The following ABHD18 variants were observed in gnomAD, a reference collection of about 807,000 sequenced individuals.
ABHD18 encodes abhydrolase domain containing 18.
ABHD18 carries 55 observed loss-of-function variants against 65.9 expected under a neutral mutation model. The ratio of observed to expected loss-of-function variants is 0.84; its 90% CI spans 0.67 to 1.05. The LOEUF is 1.05. Ranked by LOEUF, ABHD18 falls within the 50% of genes least tolerant of loss-of-function variation. The pLI, the probability that ABHD18 is intolerant of heterozygous loss-of-function variation, is 0.00. For synonymous variants in ABHD18, 181 were observed against 180.2 expected, an observed-to-expected ratio of 1.00 and a Z score of -0.04; for missense variants, 533 against 558.5, an observed-to-expected ratio of 0.95 and a Z score of 0.46.
Position 127,966,702 on chromosome 4 carries a change from C to CAAAAAAAAAAAAAAAA in ABHD18, c.-18+1117_-18+1132dup, listed in dbSNP as rs70966065. ...TGAAACCCCGTCTCTACTAAAAATACAAAAAAAAAAAAAAAAAAAAAAAAA... is the reference window on the plus strand; with the variant it reads ...TGAAACCCCGTCTCTACTAAAAATACAAAAAAAAAAAAAAAAAAAAAAAAAAAAAAAAAAAAAAAAA... On this transcript the variant is annotated intron_variant, in intron 1 of 12. Transcript: ENST00000645843. Among the ~76,000 whole-genome samples, 9 of 21,540 alleles carry CAAAAAAAAAAAAAAAA rather than the reference C, an allele frequency of 4.2e-4. 3 individuals are homozygous for CAAAAAAAAAAAAAAAA. Among genetic ancestry groups the CAAAAAAAAAAAAAAAA allele is most frequent in the African/African-American group, 7.1e-4 (4 of 5,640 alleles). 14.1% of individuals were successfully genotyped at this position (21,540 alleles called of 152,430 possible).
chr4:127,972,520 CTTTTTTTT>C (rs11286287), intron 1 of ABHD18, among the ~76,000 whole-genome samples: 1 of 60,872 alleles, frequency 1.6e-5, no homozygotes, highest in Non-Finnish European at 2.9e-5. Flanking sequence ...CAGATATACT[CTTTTTTTT>C]TTTTTTTTTT....
chr4:127,984,967 A>T (rs1230561507), intron 3 of ABHD18, among the ~76,000 whole-genome samples: 2 of 152,258 alleles, frequency 1.3e-5, no homozygotes, highest in Non-Finnish European at 2.9e-5. Flanking sequence ...GCCTAAATAT[A>T]TAGAGAAGTA....
At chr4:127,985,365 T>C (rs1749765998) in intron 3 of ABHD18, among the ~76,000 whole-genome samples, 1 of 151,798 alleles carries the variant, frequency 6.6e-6, no homozygotes, top group Non-Finnish European at 1.5e-5. Flanking sequence ...GCAAAGTAAC[T>C]GTACTTGCAT....
chr4:128,007,794 T>C (rs888842571), intron 4 of ABHD18, among the ~76,000 whole-genome samples: 5 of 152,100 alleles, frequency 3.3e-5, no homozygotes, highest in Non-Finnish European at 7.4e-5. Flanking sequence ...TTTGTGTTTT[T>C]TGTTTTCTGG....
At chr4:128,010,009 T>C (rs1487738883) in intron 6 of ABHD18, among the ~76,000 whole-genome samples, 1 of 152,240 alleles carries the variant, frequency 6.6e-6, no homozygotes, top group Non-Finnish European at 1.5e-5. Context: ...ACCTGTGTTA[T>C]ATTTATTTCT....
chr4:127,982,702 G>C (rs1240730905), intron 1 of ABHD18, among the ~76,000 whole-genome samples: 1 of 152,136 alleles, frequency 6.6e-6, no homozygotes, highest in Non-Finnish European at 1.5e-5. Flanking sequence ...ACTGTACTGA[G>C]GATGGGAAGA....
chr4:128,003,030 C>A (rs7692740), intron 4 of ABHD18, among the ~76,000 whole-genome samples: 3 of 151,932 alleles, frequency 2.0e-5, no homozygotes, highest in African/African-American at 4.8e-5. Context: ...GACATTTGAC[C>A]TTATTCTTCT....
intron 6 of ABHD18, among the ~76,000 whole-genome samples, chr4:128,011,341 G>A (rs1475056820): frequency 6.6e-6 from 1 of 151,702 alleles, no homozygotes; most frequent in Non-Finnish European, 1.5e-5. Context: ...GTAGTGATGG[G>A]GTTTCACCAT....
chr4:128,015,023 G>A (rs1054701890), intron 7 of ABHD18, among the ~76,000 whole-genome samples: 1 of 151,344 alleles, frequency 6.6e-6, no homozygotes, highest in Admixed American at 6.6e-5. Flanking sequence ...GTTGCAGTGA[G>A]CCAAGATCGC....
At chr4:128,001,878 C>A in intron 4 of ABHD18, 1 of 1,129,290 alleles carries the variant, frequency 8.9e-7, no homozygotes, top group Non-Finnish European at 1.2e-6. Flanking sequence ...GCCTGCCACT[C>A]AGAAGACCCT....
intron 1 of ABHD18, among the ~76,000 whole-genome samples, chr4:127,968,126 G>A (rs111673160): frequency 1.3e-5 from 2 of 152,094 alleles, no homozygotes; most frequent in South Asian, 4.1e-4. Flanking sequence ...AGGAGAATGG[G>A]GTGAACCCGG....
At chr4:128,007,887 A>G (rs1753883341) in intron 4 of ABHD18, among the ~76,000 whole-genome samples, 1 of 152,240 alleles carries the variant, frequency 6.6e-6, no homozygotes, top group Non-Finnish European at 1.5e-5. Context: ...AAAAGACAAC[A>G]TAAACTCTTA....
Position 128,017,513 on chromosome 4 carries a change from T to C in ABHD18, c.609+12T>C. ...CCATGGGAGGACACGTAAGCCTTTT[T>C]ATTTCTGCTTACATTTAATTATGTT... On this transcript the variant is annotated intron_variant, in intron 8 of 12. Transcript: ENST00000645843. 1 of 1,583,998 alleles carries C rather than the reference T, an allele frequency of 6.3e-7. No homozygotes were observed.
intron 12 of ABHD18, chr4:128,031,376 A>G (rs1758189921): frequency 6.6e-6 from 1 of 152,600 alleles, no homozygotes; most frequent in Non-Finnish European, 1.5e-5. Context: ...CTGAGGCAGG[A>G]GAATGGCATA....
intron 7 of ABHD18, 109 bp from the exon 8 acceptor site, chr4:128,017,254 C>G: frequency 2.9e-6 from 3 of 1,018,104 alleles, no homozygotes; most frequent in Non-Finnish European, 4.3e-6. Flanking sequence ...ACTTAACTAT[C>G]TGGTCCTTTA....
In ABHD18 at chr4:128,021,080, G is replaced by A. The variant is rs1353724149; in HGVS notation, c.700-57G>A. On this transcript the variant is annotated intron_variant, in intron 9 of 12. Transcript: ENST00000645843. Reference sequence around the variant, plus strand: ...GTCTCACACAGTAATAATAATAAAAGTATTGGGCAAATTGCCTTATGATGT... The same window carrying A: ...GTCTCACACAGTAATAATAATAAAAATATTGGGCAAATTGCCTTATGATGT... The A allele has an allele frequency of 4.2e-6, 4 of 950,344 alleles. No individual in the cohort carries two copies. The East Asian group carries it at 1.1e-4, about 26-fold the overall frequency. 58.9% of individuals were successfully genotyped at this position (950,344 alleles called of 1,614,324 possible).
chr4:128,011,576 A>T, intron 6 of ABHD18, 97 bp from the exon 7 acceptor site: 1 of 783,978 alleles, frequency 1.3e-6, no homozygotes, highest in Non-Finnish European at 2.0e-6. Context: ...GAGTTATTTC[A>T]GTATTAAATT....
Position 128,036,151 on chromosome 4 carries a change from C to G in ABHD18, c.*338C>G, listed in dbSNP as rs1758865612. On this transcript the variant is annotated 3_prime_UTR_variant, in exon 13 of 13. Transcript: ENST00000645843. ...AATAAATTTATTCATAGAAACTTTT[C>G]TGGGTTTTAGTAAAATTGCTAAATC... The G allele has an allele frequency of 6.1e-6, 1 of 162,778 alleles. No individual in the cohort carries two copies. Among genetic ancestry groups the G allele is most frequent in the African/African-American group, 2.4e-5 (1 of 41,798 alleles). The allele number at this position is 162,778 out of a possible 1,614,324, so 10.1% of individuals were successfully genotyped here.
Position 128,017,471 on chromosome 4 carries a change from A to G in ABHD18, c.579A>G (p.Leu193=). Residue 193 remains leucine (L), a synonymous_variant, in exon 8 of 13, where the codon TTA becomes TTG. Transcript: ENST00000645843. ...HWLEREGYGP[L]GMTGISMGGH... is the part of the protein sequence containing the mutation. ...TAGAGAGGGAAGGTTACGGCCCTTTAGGAATGACTGGAATATCCATGGGAG... is the reference window on the plus strand; with the variant it reads ...TAGAGAGGGAAGGTTACGGCCCTTTGGGAATGACTGGAATATCCATGGGAG... 6.2e-7 allele frequency: 1 copy of G among 1,613,458 alleles called. No individual in the cohort carries two copies. Among genetic ancestry groups the G allele is most frequent in the Admixed American group, 1.7e-5 (1 of 59,954 alleles).
Sources: gnomAD v4.1 joint callset for allele counts (sites outside exome capture counted in the v4.1 genomes callset) on GRCh38, gnomAD v4.1.1 for gene constraint, MANE v1.5 for transcripts, NCBI Gene and HGNC (gene_info 2026-07-23, HGNC 2026-07-21) for gene names.